GPAM: variants seen among roughly 807,000 people sequenced by gnomAD.
The protein encoded by GPAM is glycerol-3-phosphate acyltransferase 1, mitochondrial.
GPAM carries 56 observed loss-of-function variants against 105.0 expected under a neutral mutation model. That is an observed-to-expected ratio of 0.53 (90% CI 0.43 to 0.67). GPAM has a LOEUF of 0.67. GPAM is among the 30% of genes least tolerant of loss of function. The probability of loss-of-function intolerance (pLI) is 0.00; values close to 1 mark genes in which losing one functional copy is unlikely to be tolerated. For synonymous variants in GPAM, 368 were observed against 354.4 expected (o/e 1.04, Z -0.43); for missense variants, 855 against 989.8 (o/e 0.86, Z 1.83).
Position 112,178,014 on chromosome 10 carries a change from T to G in GPAM, c.269A>C (p.Asn90Thr). 3 of 1,601,628 alleles carry G rather than the reference T, an allele frequency of 1.9e-6. No homozygotes were observed. The highest frequency in any genetic ancestry group is 2.6e-6 in the Non-Finnish European group (3 of 1,169,016). ...NPSIPSLGLR[N>T]VIYINETHTR... ...GTGAGTTTCATTGATATAAATAACA[T>G]TCCGCAAACCCAAAGACGGGATACT... The change falls in exon 5 of 22, where the codon AAT becomes ACT. Residue 90 changes from asparagine to threonine, a missense_variant. Transcript: ENST00000348367.
chr10:112,206,702 G>C (rs752086078), intron 1 of GPAM, among the ~76,000 whole-genome samples: 8 of 150,228 alleles, frequency 5.3e-5, no homozygotes, highest in Non-Finnish European at 1.0e-4. Flanking sequence ...ATAGCATTGG[G>C]AGATATACCT....
At chr10:112,216,350 A>G (rs1220394993), upstream of GPAM, among the ~76,000 whole-genome samples, 4 of 152,176 alleles carry the variant, frequency 2.6e-5, no homozygotes, top group African/African-American at 4.8e-5. Flanking sequence ...TCCCAAAACA[A>G]TGTCAGCACA....
chr10:112,178,273 G>C (rs188603293), intron 4 of GPAM, among the ~76,000 whole-genome samples: 196 of 152,310 alleles, frequency 1.3e-3, no homozygotes, highest in Middle Eastern at 3.4e-3. Context: ...AAACTAGCCA[G>C]GCGCAGTGGC....
chr10:112,174,777 C>A (rs1460551161), intron 6 of GPAM, among the ~76,000 whole-genome samples: 3 of 152,194 alleles, frequency 2.0e-5, no homozygotes, highest in Non-Finnish European at 4.4e-5. Context: ...AATGTTTCTA[C>A]ACGTCATTAC....
chr10:112,161,790 G>A, intron 14 of GPAM, 53 bp from the exon 15 acceptor site: 1 of 1,358,424 alleles, frequency 7.4e-7, no homozygotes, highest in Non-Finnish European at 1.1e-6. Context: ...AAACATAGCT[G>A]AACTTTTTTG....
At chr10:112,159,222 T>C (rs944907309) in intron 17 of GPAM, among the ~76,000 whole-genome samples, 2 of 140,632 alleles carry the variant, frequency 1.4e-5, no homozygotes, top group Non-Finnish European at 3.1e-5. Context: ...TTTTCTTTTT[T>C]TTTTTTTTTT....
chr10:112,154,686 A>G lies in GPAM; in HGVS notation c.2313T>C (p.Ala771=). The G allele has an allele frequency of 6.2e-7, 1 of 1,601,970 alleles. No individual in the cohort carries two copies. The highest frequency in any genetic ancestry group is 8.6e-7 in the Non-Finnish European group (1 of 1,168,994). Residue 771 remains alanine (A), a splice_region_variant and synonymous_variant, in exon 21 of 22, where the codon GCT becomes GCC. Coordinates refer to ENST00000348367, the MANE Select transcript of GPAM (RefSeq NM_001244949.2). ...TRTERNVAVY[A]ESATYCLVKN... Reference sequence around the variant, plus strand: ...TCACAAGACAATATGTGGCACTCTCAGCTGAAGAGAGAGAATAAAACCCTG... The same window carrying G: ...TCACAAGACAATATGTGGCACTCTCGGCTGAAGAGAGAGAATAAAACCCTG...
rs968123135 is a variant in GPAM, at chr10:112,156,034, T to C, written c.2141A>G (p.His714Arg). The change falls in exon 20 of 22, where the codon CAC becomes CGC. Residue 714 changes from histidine to arginine, a missense_variant. By Grantham distance (29) the His-to-Arg change is conservative. Transcript: ENST00000348367. ...CYLKVSQSKE[H>R]QQFITFLQRL... Reference sequence around the variant, plus strand: ...CTGTAAGAAGGTGATAAACTGCTGGTGCTCCTTGGATTGGCTCACCTGAGT... The same window carrying C: ...CTGTAAGAAGGTGATAAACTGCTGGCGCTCCTTGGATTGGCTCACCTGAGT... The C allele has an allele frequency of 1.2e-6, 2 of 1,612,838 alleles. No individual in the cohort carries two copies. The highest frequency in any genetic ancestry group is 1.7e-6 in the Non-Finnish European group (2 of 1,179,214).
At chr10:112,215,791 C>T (rs1847961309), upstream of GPAM, among the ~76,000 whole-genome samples, 1 of 152,068 alleles carries the variant, frequency 6.6e-6, no homozygotes. Context: ...CTATTTGACA[C>T]CAGATGTGCA....
intron 1 of GPAM, among the ~76,000 whole-genome samples, chr10:112,190,311 C>T (rs1049010671): frequency 6.6e-6 from 1 of 151,886 alleles, no homozygotes; most frequent in Non-Finnish European, 1.5e-5. Context: ...CAAGACCATC[C>T]TAGTCAACAT....
At chr10:112,179,439 C>T (rs1847466806) in intron 4 of GPAM, among the ~76,000 whole-genome samples, 1 of 152,250 alleles carries the variant, frequency 6.6e-6, no homozygotes, top group Admixed American at 6.5e-5. Flanking sequence ...ACTAGCTTTA[C>T]TCCTAGGCTA....
chr10:112,176,157 T>C (rs1214297002), intron 5 of GPAM, among the ~76,000 whole-genome samples: 1 of 152,150 alleles, frequency 6.6e-6, no homozygotes, highest in African/African-American at 2.4e-5. Context: ...TTTTGTTAAG[T>C]TTTTGTTTGT....
intron 9 of GPAM, among the ~76,000 whole-genome samples, chr10:112,171,669 T>C (rs1019624164): frequency 4.6e-5 from 7 of 152,222 alleles, no homozygotes; most frequent in African/African-American, 1.7e-4. Context: ...TTCCCCTGAA[T>C]GGAACGCATT....
chr10:112,160,830 C>T lies in GPAM; in HGVS notation c.1533G>A (p.Val511=). ...CACGAGCCAGGACTTCCTCTTTCAT[C>T]ACAAAGAAGTCTTCGACCAATGTGG... ...DLSTLVEDFF[V]MKEEVLARDF... is the part of the protein sequence containing the mutation. Residue 511 remains valine (V), a synonymous_variant, in exon 16 of 22, where the codon GTG becomes GTA. Transcript: ENST00000348367. 3 of 1,613,738 alleles carry T rather than the reference C, an allele frequency of 1.9e-6. No homozygotes were observed. The highest frequency in any genetic ancestry group is 2.5e-6 in the Non-Finnish European group (3 of 1,179,654).
At chr10:112,154,997 C>G in intron 20 of GPAM, 1 of 446,362 alleles carries the variant, frequency 2.2e-6, no homozygotes, top group Non-Finnish European at 4.1e-6. Context: ...ATCCATTTTC[C>G]AGGACTGTTG....
intron 1 of GPAM, among the ~76,000 whole-genome samples, chr10:112,197,442 C>CT (rs1298170824): frequency 0.5 from 59,123 of 119,306 alleles, 14,098 homozygotes; most frequent in Middle Eastern, 0.6. Context: ...GTAAGGCATT[C>CT]TTTTTTTTTT....
chr10:112,156,892 C>A (rs915610318), intron 19 of GPAM: 2 of 409,000 alleles, frequency 4.9e-6, no homozygotes, highest in Non-Finnish European at 8.7e-6. Context: ...GGAGGGACAG[C>A]AAGAGTGACT....
At chr10:112,155,445 C>CCACATACATGCTGTATATAGGGG (rs377181906) in intron 20 of GPAM, 2,268 of 191,472 alleles carry the variant, frequency 0.012, 61 homozygotes, top group African/African-American at 0.051. Context: ...AATTCTGTTC[C>CCACATACATGCTGTATATAGGGG]CACATACATG....
chr10:112,150,705 C>T lies in GPAM; in HGVS notation c.*2845G>A. On this transcript the variant is annotated 3_prime_UTR_variant, in exon 22 of 22. Coordinates refer to ENST00000348367, the MANE Select transcript of GPAM (RefSeq NM_001244949.2). ...AGTTTTTCACTACCGGATGCCAAGC[C>T]CTTACTGCGCTAAAGTGCATTGTAA... 4.2e-6 allele frequency: 4 copies of T among 961,698 alleles called. No homozygotes were observed. Among genetic ancestry groups the T allele is most frequent in the Non-Finnish European group, 4.9e-6 (4 of 808,334 alleles). 59.6% of individuals were successfully genotyped at this position (961,698 alleles called of 1,614,324 possible).
Sources: allele counts gnomAD v4.1 joint callset (sites outside exome capture counted in the v4.1 genomes callset), GRCh38; gene constraint gnomAD v4.1.1; transcripts MANE v1.5; gene names NCBI Gene and HGNC (gene_info 2026-07-23, HGNC 2026-07-21).